Variants in PIP4K2A observed in about 807,000 individuals in gnomAD.
PIP4K2A encodes the protein phosphatidylinositol-5-phosphate 4-kinase type 2 alpha.
Under a neutral mutation model 42.9 loss-of-function variants are expected in PIP4K2A, and 14 were observed. That is an observed-to-expected ratio of 0.33 (90% CI 0.22 to 0.51). The LOEUF (loss-of-function observed/expected upper bound fraction) is 0.51, where lower values mean the gene tolerates loss of function less well. Among genes scored for constraint, PIP4K2A ranks in the 20% least tolerant of loss-of-function variants. The probability of loss-of-function intolerance (pLI) is 0.97; values close to 1 mark genes in which losing one functional copy is unlikely to be tolerated. For missense variants in PIP4K2A, 434 were observed against 519.8 expected (o/e 0.83, Z 1.61); for synonymous variants, 192 against 192.2 (o/e 1.00, Z 0.01).
rs116803213 is a variant in PIP4K2A, at chr10:22,593,950, G to A, written c.340-2169C>T. On this transcript the variant is annotated intron_variant, in intron 3 of 9. Transcript: ENST00000376573. ...ATAGATCGTTTTCTTATGCACATTA[G>A]ATAGGACAGTATAACGTCCTCTCAT... is the stretch of plus-strand genomic sequence containing the variant. Among the ~76,000 whole-genome samples the A allele has an allele frequency of 3.0e-3, 450 of 152,320 alleles. 6 individuals carry two copies. The highest frequency in any genetic ancestry group is 0.01 in the African/African-American group (419 of 41,570).
intron 1 of PIP4K2A, among the ~76,000 whole-genome samples, chr10:22,705,462 A>G (rs1162086968): frequency 2.4e-4 from 32 of 135,486 alleles, no homozygotes; most frequent in Admixed American, 4.7e-4. Context: ...AAAAAAAAAA[A>G]GGACAGAGAG....
chr10:22,569,560 G>A (rs1447514324), intron 5 of PIP4K2A, among the ~76,000 whole-genome samples: 2 of 152,150 alleles, frequency 1.3e-5, no homozygotes, highest in African/African-American at 4.8e-5. Flanking sequence ...TTAAAAATGG[G>A]ACATTTGTAA....
At chr10:22,695,636 T>C (rs1038844290) in intron 1 of PIP4K2A, among the ~76,000 whole-genome samples, 15 of 152,136 alleles carry the variant, frequency 9.9e-5, no homozygotes, top group Non-Finnish European at 1.8e-4. Flanking sequence ...CTTGGTATCT[T>C]TGGGGGATTG....
At chr10:22,642,859 T>C (rs1168946340) in intron 1 of PIP4K2A, among the ~76,000 whole-genome samples, 1 of 152,174 alleles carries the variant, frequency 6.6e-6, no homozygotes, top group South Asian at 2.1e-4. Context: ...TAGTAATTCA[T>C]GTATTTTAGC....
chr10:22,706,723 C>A (rs2130925131), intron 1 of PIP4K2A, among the ~76,000 whole-genome samples: 1 of 152,254 alleles, frequency 6.6e-6, no homozygotes, highest in East Asian at 1.9e-4. Flanking sequence ...ACATAACTTG[C>A]AACTAATGGA....
intron 5 of PIP4K2A, among the ~76,000 whole-genome samples, chr10:22,570,727 T>C (rs12253847): frequency 0.37 from 55,542 of 152,084 alleles, 10,681 homozygotes; most frequent in Non-Finnish European, 0.4. Context: ...TTTGCCTTTT[T>C]CAGCGTCTTG....
intron 4 of PIP4K2A, among the ~76,000 whole-genome samples, chr10:22,583,201 G>T (rs944405996): frequency 2.6e-5 from 4 of 152,230 alleles, no homozygotes; most frequent in African/African-American, 9.6e-5. Context: ...CATATGTACA[G>T]ATGCCACTTG....
chr10:22,600,208 T>C (rs74941885), intron 3 of PIP4K2A, among the ~76,000 whole-genome samples: 1 of 152,192 alleles, frequency 6.6e-6, no homozygotes, highest in Non-Finnish European at 1.5e-5. Context: ...GTTTTTTTTT[T>C]CCATTTTGAT....
intron 3 of PIP4K2A, among the ~76,000 whole-genome samples, chr10:22,593,285 G>A (rs922232137): frequency 9.9e-5 from 15 of 152,130 alleles, no homozygotes; most frequent in African/African-American, 3.1e-4. Context: ...GCCAGATGCA[G>A]AGTCCAGGCC....
rs568528140 is a variant in PIP4K2A, at chr10:22,609,785, G to A, written c.145-68C>T. 5.0e-5 allele frequency: 45 copies of A among 906,692 alleles called. No individual in the cohort carries two copies. The African/African-American group carries it at 5.7e-4, about 12-fold the overall frequency. 56.2% of individuals were successfully genotyped at this position (906,692 alleles called of 1,614,324 possible). A position where few individuals can be genotyped will look rare whatever the true frequency, so the allele number is the denominator to read the frequency against. ...GGTGAGGAGGACTTGACTTGAATGT[G>A]TACCTTGGGAAAAAAAACATGGTGG... On this transcript the variant is annotated intron_variant, in intron 1 of 9. Transcript: ENST00000376573.
intron 5 of PIP4K2A, among the ~76,000 whole-genome samples, chr10:22,572,804 G>C (rs1837021546): frequency 6.6e-6 from 1 of 152,082 alleles, no homozygotes; most frequent in African/African-American, 2.4e-5. Context: ...TGTACTTACA[G>C]TTCCCTCTGC....
At chr10:22,698,256 A>G (rs367837606) in intron 1 of PIP4K2A, among the ~76,000 whole-genome samples, 1 of 152,188 alleles carries the variant, frequency 6.6e-6, no homozygotes, top group African/African-American at 2.4e-5. Flanking sequence ...TTAAAAGCAT[A>G]TGGGAAAAAA....
intron 7 of PIP4K2A, among the ~76,000 whole-genome samples, chr10:22,542,817 T>A (rs929725070): frequency 2.6e-5 from 4 of 152,236 alleles, no homozygotes; most frequent in African/African-American, 9.6e-5. Flanking sequence ...CCATAAGATG[T>A]GGATGGTTGT....
At chr10:22,608,875 TC>T (rs1224342753) in intron 2 of PIP4K2A, among the ~76,000 whole-genome samples, 4 of 152,048 alleles carry the variant, frequency 2.6e-5, no homozygotes, top group African/African-American at 9.7e-5. Flanking sequence ...AGATCCTGTC[TC>T]AAAAAAAAAT....
intron 1 of PIP4K2A, among the ~76,000 whole-genome samples, chr10:22,633,119 G>T (rs2130774886): frequency 6.6e-6 from 1 of 152,322 alleles, no homozygotes; most frequent in East Asian, 1.9e-4. Flanking sequence ...GAAAGCAGAG[G>T]CTGAGTTAAG....
intron 1 of PIP4K2A, among the ~76,000 whole-genome samples, chr10:22,650,318 T>C (rs922851428): frequency 6.6e-6 from 1 of 152,184 alleles, no homozygotes. Flanking sequence ...TATAGTGACA[T>C]GGCCACAGCT....
intron 1 of PIP4K2A, among the ~76,000 whole-genome samples, chr10:22,635,078 C>G (rs1626919): frequency 0.2 from 31,050 of 151,784 alleles, 4,047 homozygotes; most frequent in African/African-American, 0.36. Flanking sequence ...AAGTGCAGCA[C>G]ATTTGGGGGA....
intron 1 of PIP4K2A, among the ~76,000 whole-genome samples, chr10:22,655,701 TA>T (rs1372236490): frequency 6.6e-6 from 1 of 152,228 alleles, no homozygotes; most frequent in Non-Finnish European, 1.5e-5. Flanking sequence ...AACTATTTAT[TA>T]AAATGTAAAC....
At chr10:22,637,733 C>T (rs892571878) in intron 1 of PIP4K2A, among the ~76,000 whole-genome samples, 9 of 152,244 alleles carry the variant, frequency 5.9e-5, no homozygotes, top group African/African-American at 2.2e-4. Context: ...GAAACCACAA[C>T]TCAGACACAA....
Sources: gnomAD v4.1 joint callset for allele counts (sites outside exome capture counted in the v4.1 genomes callset) on GRCh38, gnomAD v4.1.1 for gene constraint, MANE v1.5 for transcripts, NCBI Gene and HGNC (gene_info 2026-07-23, HGNC 2026-07-21) for gene names.